Variants in PDE7B observed in about 807,000 individuals in gnomAD.
PDE7B encodes phosphodiesterase 7B.
Under a neutral mutation model 56.2 loss-of-function variants are expected in PDE7B, and 29 were observed. That is an observed-to-expected ratio of 0.52 (90% confidence interval 0.38 to 0.70). The LOEUF is 0.70. Among genes scored for constraint, PDE7B ranks in the 30% least tolerant of loss-of-function variants. PDE7B has a pLI of 0.00. For missense variants in PDE7B, 490 were observed against 565.0 expected (o/e 0.87, Z 1.35); for synonymous variants, 197 against 196.9 (o/e 1.00, Z 0.00).
rs536647655 is a variant in PDE7B at position 136,038,542 on chromosome 6, G to A, written c.83-70189G>A. On this transcript the variant is annotated intron_variant, in intron 2 of 12. Transcript: ENST00000308191. ...GCAGCTTTCCAGGTAAATTGACCAT[G>A]GGGTGTAATAGGTCACAGGACCAAG... 1.5e-5 allele frequency: 19 copies of A among 1,265,694 alleles called. No homozygotes were observed. In the African/African-American group the frequency reaches 2.4e-4, roughly 16 times the overall value. 78.4% of individuals were successfully genotyped at this position (1,265,694 alleles called of 1,614,324 possible). A position where few individuals can be genotyped will look rare whatever the true frequency, so the allele number is the denominator to read the frequency against.
At chr6:136,101,463 A>C (rs1421231177) in intron 2 of PDE7B, among the ~76,000 whole-genome samples, 4 of 152,058 alleles carry the variant, frequency 2.6e-5, no homozygotes, top group African/African-American at 9.7e-5. Flanking sequence ...GTCTATTCAG[A>C]GATTCAACTT....
At chr6:136,174,262 G>A (rs961402438) in intron 9 of PDE7B, among the ~76,000 whole-genome samples, 2 of 152,132 alleles carry the variant, frequency 1.3e-5, no homozygotes, top group Admixed American at 6.5e-5. Flanking sequence ...AGGAACCCAG[G>A]CATTCTAAAG....
intron 2 of PDE7B, among the ~76,000 whole-genome samples, chr6:136,080,064 G>A (rs947621450): frequency 1.3e-5 from 2 of 151,964 alleles, no homozygotes; most frequent in African/African-American, 4.8e-5. Flanking sequence ...GAGGAGAGGG[G>A]AAAAAATAAA....
At chr6:135,981,969 C>T (rs9399176) in intron 2 of PDE7B, among the ~76,000 whole-genome samples, 50,135 of 151,850 alleles carry the variant, frequency 0.33, 8,490 homozygotes, top group Non-Finnish European at 0.37. Flanking sequence ...CACTGTGCTA[C>T]AATGGTTACA....
rs569561052 is a variant in PDE7B at position 135,873,607 on chromosome 6, T to C, written c.21+21588T>C. 5.8e-4 allele frequency among the ~76,000 whole-genome samples: 89 copies of C among 152,182 alleles called. No individual in the cohort carries two copies. In the East Asian group the frequency reaches 0.013, roughly 22 times the overall value. On this transcript the variant is annotated intron_variant, in intron 1 of 12. Coordinates refer to ENST00000308191, the MANE Select transcript of PDE7B (RefSeq NM_018945.4). ...ATATGAGGTAGGCATATATGATTGA[T>C]TTTGGAGGGCATTGTTTTTATCTTC...
chr6:136,176,558 G>A (rs764517852), intron 9 of PDE7B, among the ~76,000 whole-genome samples: 1 of 151,886 alleles, frequency 6.6e-6, no homozygotes, highest in Non-Finnish European at 1.5e-5. Context: ...TTTCCCCCAC[G>A]GAATGCTTCA....
At chr6:135,855,076 G>T (rs978807258) in intron 1 of PDE7B, among the ~76,000 whole-genome samples, 1 of 152,190 alleles carries the variant, frequency 6.6e-6, no homozygotes, top group Non-Finnish European at 1.5e-5. Context: ...GCTCTAATGA[G>T]CTGGGTGACT....
chr6:135,949,687 G>C (rs1345337571), intron 2 of PDE7B, among the ~76,000 whole-genome samples: 2 of 151,902 alleles, frequency 1.3e-5, no homozygotes, highest in African/African-American at 4.8e-5. Flanking sequence ...AGCTGATACT[G>C]GTTATTAACC....
At chr6:135,908,762 T>A (rs1776160826) in intron 1 of PDE7B, among the ~76,000 whole-genome samples, 1 of 152,170 alleles carries the variant, frequency 6.6e-6, no homozygotes, top group South Asian at 2.1e-4. Context: ...TCAGGCAACA[T>A]ACAATAATAT....
chr6:136,186,582 A>C (rs532980221), intron 11 of PDE7B, among the ~76,000 whole-genome samples: 81 of 152,174 alleles, frequency 5.3e-4, no homozygotes, highest in Non-Finnish European at 9.8e-4. Context: ...TAGTCCTTCT[A>C]CCTCATTTCC....
At chr6:136,126,317 T>C (rs1778022217) in intron 3 of PDE7B, among the ~76,000 whole-genome samples, 1 of 152,208 alleles carries the variant, frequency 6.6e-6, no homozygotes, top group South Asian at 2.1e-4. Context: ...TTAGTTTGCA[T>C]AGTAGTTACA....
At chr6:136,002,208 C>A (rs893235071) in intron 2 of PDE7B, among the ~76,000 whole-genome samples, 66 of 152,272 alleles carry the variant, frequency 4.3e-4, no homozygotes, top group African/African-American at 1.6e-3. Flanking sequence ...AAGCTCTAAA[C>A]ATGGAAAGGA....
intron 1 of PDE7B, among the ~76,000 whole-genome samples, chr6:135,894,374 C>T (rs954618059): frequency 1.2e-4 from 18 of 152,160 alleles, no homozygotes; most frequent in Admixed American, 8.5e-4. Context: ...CTTTAACTCC[C>T]GCCTTCAAGT....
At chr6:135,986,058 C>T (rs554044317) in intron 2 of PDE7B, among the ~76,000 whole-genome samples, 2 of 152,282 alleles carry the variant, frequency 1.3e-5, no homozygotes, top group African/African-American at 4.8e-5. Context: ...ACTCATATTG[C>T]TCACTAGAGA....
intron 2 of PDE7B, among the ~76,000 whole-genome samples, 179 bp from the exon 3 acceptor site, chr6:136,108,552 T>C (rs1279922968): frequency 2.0e-5 from 3 of 152,202 alleles, no homozygotes; most frequent in Non-Finnish European, 4.4e-5. Context: ...TGTTAGTGTA[T>C]TGCCAACCTC....
chr6:136,053,919 A>C (rs184394258), intron 2 of PDE7B, among the ~76,000 whole-genome samples: 5 of 151,992 alleles, frequency 3.3e-5, no homozygotes, highest in Admixed American at 1.3e-4. Context: ...TTTTTCTTGT[A>C]AATTTGTTGG....
chr6:135,946,797 C>T (rs895861689), intron 1 of PDE7B, among the ~76,000 whole-genome samples: 4 of 152,058 alleles, frequency 2.6e-5, no homozygotes, highest in Non-Finnish European at 4.4e-5. Flanking sequence ...CATTCAAGTA[C>T]TAACGCTTTG....
At chr6:136,103,012 C>T (rs1419709260) in intron 2 of PDE7B, among the ~76,000 whole-genome samples, 1 of 152,092 alleles carries the variant, frequency 6.6e-6, no homozygotes, top group African/African-American at 2.4e-5. Context: ...TTTTCACATG[C>T]AAAGAAAATT....
At chr6:136,188,878 A>G (rs753478420) in intron 12 of PDE7B, among the ~76,000 whole-genome samples, 1 of 152,206 alleles carries the variant, frequency 6.6e-6, no homozygotes, top group Non-Finnish European at 1.5e-5. Context: ...TCCTTAGTAC[A>G]TAGATCTTTC....
Sources: allele counts gnomAD v4.1 joint callset (sites outside exome capture counted in the v4.1 genomes callset), GRCh38; gene constraint gnomAD v4.1.1; transcripts MANE v1.5; gene names NCBI Gene and HGNC (gene_info 2026-07-23, HGNC 2026-07-21).